Variants in AUTS2 observed in about 807,000 individuals in gnomAD.
The protein encoded by AUTS2 is autism susceptibility gene 2 protein.
AUTS2 carries 17 observed loss-of-function variants against 112.4 expected under a neutral mutation model. That is an observed-to-expected ratio of 0.15 (90% confidence interval 0.10 to 0.23). The LOEUF (loss-of-function observed/expected upper bound fraction) is 0.23, where lower values mean the gene tolerates loss of function less well. Ranked by LOEUF, AUTS2 falls within the 10% of genes least tolerant of loss-of-function variation. The pLI is 1.00. For synonymous variants in AUTS2, 751 were observed against 702.7 expected (o/e 1.07, Z -1.09); for missense variants, 1,510 against 1,701.6 (o/e 0.89, Z 1.98).
chr7:70,555,013 G>C (rs1369862393), intron 5 of AUTS2, among the ~76,000 whole-genome samples: 1 of 152,218 alleles, frequency 6.6e-6, no homozygotes, highest in Non-Finnish European at 1.5e-5. Flanking sequence ...TTCTTTGCCA[G>C]GTAATAGAGC....
chr7:70,678,095 A>G, intron 5 of AUTS2, among the ~76,000 whole-genome samples: 1 of 151,860 alleles, frequency 6.6e-6, no homozygotes, highest in African/African-American at 2.4e-5. Context: ...AAAAATTAAT[A>G]AATAATAATA....
chr7:70,344,180 T>C (rs1044623228), intron 4 of AUTS2, among the ~76,000 whole-genome samples: 6 of 152,048 alleles, frequency 3.9e-5, no homozygotes, highest in African/African-American at 1.2e-4. Context: ...TTTTGTGCAG[T>C]GAATGGGCTT....
At chr7:70,433,625 T>C (rs1404487240) in intron 4 of AUTS2, among the ~76,000 whole-genome samples, 1 of 152,160 alleles carries the variant, frequency 6.6e-6, no homozygotes, top group African/African-American at 2.4e-5. Context: ...AGAATGTAAA[T>C]GTAGACAATC....
At chr7:69,825,081 C>A (rs887904785) in intron 1 of AUTS2, among the ~76,000 whole-genome samples, 4 of 152,142 alleles carry the variant, frequency 2.6e-5, no homozygotes, top group African/African-American at 9.7e-5. Context: ...TTTATTTAGC[C>A]AGTAAGTAGA....
intron 5 of AUTS2, among the ~76,000 whole-genome samples, chr7:70,467,854 G>T (rs1364366250): frequency 6.6e-6 from 1 of 152,178 alleles, no homozygotes; most frequent in Admixed American, 6.5e-5. Context: ...CATGTGCTGG[G>T]CATTTCCTCT....
intron 5 of AUTS2, among the ~76,000 whole-genome samples, chr7:70,454,868 G>A (rs1476051049): frequency 1.3e-5 from 2 of 152,202 alleles, no homozygotes; most frequent in African/African-American, 4.8e-5. Context: ...TCCCAAGGCT[G>A]TGGCAAAGAT....
At chr7:70,674,960 CATAGTA>C (rs1807833491) in intron 5 of AUTS2, among the ~76,000 whole-genome samples, 1 of 152,180 alleles carries the variant, frequency 6.6e-6, no homozygotes, top group Non-Finnish European at 1.5e-5. Context: ...TTACAAGTGA[CATAGTA>C]AGAGCTCCTG....
At chr7:69,867,083 GGT>G (rs1793269678) in intron 1 of AUTS2, among the ~76,000 whole-genome samples, 1 of 152,178 alleles carries the variant, frequency 6.6e-6, no homozygotes, top group African/African-American at 2.4e-5. Flanking sequence ...GGCCTGCTCT[GGT>G]GTGTCTCGTA....
chr7:70,041,593 T>C (rs1203409615), intron 2 of AUTS2, among the ~76,000 whole-genome samples: 3 of 152,204 alleles, frequency 2.0e-5, no homozygotes, highest in Non-Finnish European at 4.4e-5. Context: ...CATCATTTAC[T>C]TCCATTATGG....
intron 2 of AUTS2, among the ~76,000 whole-genome samples, chr7:70,012,149 G>C (rs541957891): frequency 5.0e-4 from 76 of 152,310 alleles, no homozygotes; most frequent in African/African-American, 1.7e-3. Flanking sequence ...GGGCATTTGT[G>C]ATCTGTGGAG....
chr7:69,800,816 TC>T (rs1350309169), intron 1 of AUTS2, among the ~76,000 whole-genome samples: 7 of 152,178 alleles, frequency 4.6e-5, no homozygotes, highest in Admixed American at 3.9e-4. Context: ...CCTGCACTGT[TC>T]CTGAAGAGGG....
At chr7:69,980,729 T>TA (rs908840087) in intron 2 of AUTS2, among the ~76,000 whole-genome samples, 17 of 150,702 alleles carry the variant, frequency 1.1e-4, no homozygotes, top group African/African-American at 2.2e-4. Context: ...CCTTGGGAAT[T>TA]AAAAAAAAAA....
intron 1 of AUTS2, among the ~76,000 whole-genome samples, chr7:69,749,043 G>A (rs749050734): frequency 6.6e-6 from 1 of 152,068 alleles, no homozygotes; most frequent in African/African-American, 2.4e-5. Flanking sequence ...ATATCTCTGC[G>A]CCCCAGCTTC....
At chr7:70,058,747 C>T (rs1466034098) in intron 2 of AUTS2, among the ~76,000 whole-genome samples, 3 of 151,614 alleles carry the variant, frequency 2.0e-5, no homozygotes, top group Non-Finnish European at 4.4e-5. Context: ...ATGGAGGATT[C>T]AGTTATGATG....
Position 69,599,976 on chromosome 7 carries a change from C to G in AUTS2, c.309+14C>G. ...GAAGCGCTGGAGGTAAGGGGGACCC[C>G]CCTTCCCCCGGGTTCCCTTTATGCA... is the stretch of plus-strand genomic sequence containing the variant. On this transcript the variant is annotated intron_variant, in intron 1 of 18. Transcript: ENST00000342771. This position sits in a 1 kb window ranked among gnomAD's most constrained non-coding sequence, Gnocchi z 7.0. 6.2e-7 allele frequency: 1 copy of G among 1,612,724 alleles called. No individual in the cohort carries two copies. Among genetic ancestry groups the G allele is most frequent in the South Asian group, 1.1e-5 (1 of 91,042 alleles).
intron 1 of AUTS2, among the ~76,000 whole-genome samples, chr7:69,873,186 G>T (rs949931294): frequency 6.6e-6 from 1 of 152,058 alleles, no homozygotes; most frequent in Non-Finnish European, 1.5e-5. Flanking sequence ...AAAGATTAAT[G>T]TTCCAGGATT....
At chr7:69,948,922 C>T (rs949421226) in intron 2 of AUTS2, among the ~76,000 whole-genome samples, 1 of 152,048 alleles carries the variant, frequency 6.6e-6, no homozygotes, top group Non-Finnish European at 1.5e-5. Flanking sequence ...TCTCTTGCCT[C>T]AGCCTCCCAA....
intron 4 of AUTS2, among the ~76,000 whole-genome samples, chr7:70,409,549 G>A (rs1029779185): frequency 5.9e-5 from 9 of 152,112 alleles, no homozygotes; most frequent in East Asian, 1.9e-4. Context: ...TTCCATGAGC[G>A]ATGTAGGGTA....
chr7:69,821,606 G>A (rs1165159980), intron 1 of AUTS2, among the ~76,000 whole-genome samples: 1 of 152,050 alleles, frequency 6.6e-6, no homozygotes, highest in Non-Finnish European at 1.5e-5. Flanking sequence ...ACCTTTAAGA[G>A]CTGCAACACT....
Sources: allele counts gnomAD v4.1 joint callset (sites outside exome capture counted in the v4.1 genomes callset), GRCh38; gene constraint gnomAD v4.1.1; non-coding constraint Gnocchi (gnomAD v3.1); transcripts MANE v1.5; gene names NCBI Gene and HGNC (gene_info 2026-07-23, HGNC 2026-07-21).